Variants in FAM13A observed in about 807,000 individuals in gnomAD.
FAM13A encodes the protein family with sequence similarity 13 member A.
Under a neutral mutation model 129.6 loss-of-function variants are expected in FAM13A, and 76 were observed. The ratio of observed to expected loss-of-function variants is 0.59; its 90% CI spans 0.49 to 0.71. The LOEUF (loss-of-function observed/expected upper bound fraction) is 0.71, where lower values mean the gene tolerates loss of function less well. Ranked by LOEUF, FAM13A falls within the 30% of genes least tolerant of loss-of-function variation. The probability of loss-of-function intolerance (pLI) is 0.00; values close to 1 mark genes in which losing one functional copy is unlikely to be tolerated. For missense variants in FAM13A, 1,108 were observed against 1,249.3 expected (o/e 0.89, Z 1.70); for synonymous variants, 443 against 449.9 (o/e 0.98, Z 0.20).
chr4:88,771,956 T>C (rs895065883), intron 11 of FAM13A, among the ~76,000 whole-genome samples: 4 of 152,222 alleles, frequency 2.6e-5, no homozygotes, highest in African/African-American at 9.6e-5. Flanking sequence ...ATTGTGGAAT[T>C]TGTTTTTGAT....
chr4:88,953,448 C>G (rs1225858542), intron 4 of FAM13A, among the ~76,000 whole-genome samples: 3 of 152,130 alleles, frequency 2.0e-5, no homozygotes, highest in Non-Finnish European at 4.4e-5. Flanking sequence ...GAGCGAGACT[C>G]TATCTCAAAA....
chr4:88,806,300 T>TG (rs1728546054), intron 7 of FAM13A, among the ~76,000 whole-genome samples: 1 of 152,232 alleles, frequency 6.6e-6, no homozygotes, highest in South Asian at 2.1e-4. Flanking sequence ...GGATATCACC[T>TG]GGGGTGTACA....
chr4:88,839,083 CTTTTG>C (rs1403756202), intron 7 of FAM13A, among the ~76,000 whole-genome samples: 1 of 151,804 alleles, frequency 6.6e-6, no homozygotes, highest in Non-Finnish European at 1.5e-5. Context: ...TGTTCCTGGG[CTTTTG>C]TTTTATTTTT....
chr4:88,867,720 A>G (rs1430745627), intron 6 of FAM13A, among the ~76,000 whole-genome samples: 1 of 152,224 alleles, frequency 6.6e-6, no homozygotes, highest in Non-Finnish European at 1.5e-5. Flanking sequence ...CAAGTTGGAG[A>G]AGGATATGTA....
At chr4:89,032,244 CA>C (rs778575945) in intron 1 of FAM13A, among the ~76,000 whole-genome samples, 2,717 of 133,420 alleles carry the variant, frequency 0.02, 78 homozygotes, top group African/African-American at 0.062. Flanking sequence ...GACTCCGTCT[CA>C]AAAAAAAAAA....
chr4:88,742,390 C>T, intron 19 of FAM13A, among the ~76,000 whole-genome samples: 1 of 152,168 alleles, frequency 6.6e-6, no homozygotes, highest in South Asian at 2.1e-4. Context: ...GAACTAATCA[C>T]CTGTGGGTGA....
At chr4:88,766,362 A>G (rs1041962410) in intron 13 of FAM13A, among the ~76,000 whole-genome samples, 1 of 152,180 alleles carries the variant, frequency 6.6e-6, no homozygotes, top group Non-Finnish European at 1.5e-5. Flanking sequence ...GTTCCAAGGA[A>G]GGAGGCAAAA....
chr4:88,813,578 A>C (rs1258456158), intron 7 of FAM13A, among the ~76,000 whole-genome samples: 3 of 152,156 alleles, frequency 2.0e-5, no homozygotes, highest in Non-Finnish European at 4.4e-5. Context: ...CTTATTGCAA[A>C]TTTATTAAGG....
Position 89,041,096 on chromosome 4 carries a change from T to A in FAM13A, c.28-11447A>T, listed in dbSNP as rs149017113. 6.5e-3 allele frequency among the ~76,000 whole-genome samples: 987 copies of A among 152,204 alleles called. 6 individuals carry two copies. Among genetic ancestry groups the A allele is most frequent in the Admixed American group, 0.025 (382 of 15,294 alleles). On this transcript the variant is annotated intron_variant, in intron 1 of 23. Coordinates refer to ENST00000264344, the MANE Select transcript of FAM13A (RefSeq NM_014883.4). ...TACTTAAAAGTGTTATGAGTGTGAG[T>A]ATAAGGGAGATAAAGAGAGGTGTTA...
intron 9 of FAM13A, 34 bp downstream of exon 9, chr4:88,790,552 C>T (rs547644582): frequency 1.6e-6 from 2 of 1,241,468 alleles, no homozygotes; most frequent in Non-Finnish European, 2.2e-6. Flanking sequence ...AAAAAAAAAA[C>T]CCAAAGCCCA....
rs995045960 is a variant in FAM13A, at chr4:88,728,284, C to G, written c.*249G>C. 18 of 539,294 alleles carry G rather than the reference C, an allele frequency of 3.3e-5. No individual in the cohort carries two copies. The highest frequency in any genetic ancestry group is 5.7e-5 in the Non-Finnish European group (17 of 298,744). 33.4% of individuals were successfully genotyped at this position (539,294 alleles called of 1,614,324 possible). On this transcript the variant is annotated 3_prime_UTR_variant, in exon 24 of 24. Transcript: ENST00000264344. ...CTGTGTGTGTGTGTGCGTGCATGCGCGTGCGCATGTGCACATACTGCAGTC... is the reference window on the plus strand; with the variant it reads ...CTGTGTGTGTGTGTGCGTGCATGCGGGTGCGCATGTGCACATACTGCAGTC...
chr4:88,881,089 G>A (rs964739626), intron 6 of FAM13A, among the ~76,000 whole-genome samples: 15 of 152,162 alleles, frequency 9.9e-5, no homozygotes, highest in South Asian at 2.1e-4. Flanking sequence ...GCTCTATGGC[G>A]CTGCCCACCG....
At chr4:88,874,730 G>C (rs965447706) in intron 6 of FAM13A, among the ~76,000 whole-genome samples, 4 of 152,144 alleles carry the variant, frequency 2.6e-5, no homozygotes, top group East Asian at 1.9e-4. Flanking sequence ...GTAATTTATA[G>C]ATTCAATGCC....
intron 1 of FAM13A, among the ~76,000 whole-genome samples, chr4:89,055,894 TACCATTTGGTG>T (rs962168083): frequency 1.4e-4 from 22 of 152,332 alleles, no homozygotes; most frequent in Admixed American, 2.0e-4. Flanking sequence ...AGGGCTGGTC[TACCATTTGGTG>T]ACCATTTGGT....
In FAM13A at chr4:88,998,611, A is replaced by T. The variant is rs139982310; in HGVS notation, c.428-7461T>A. On this transcript the variant is annotated intron_variant, in intron 3 of 23. Coordinates refer to ENST00000264344, the MANE Select transcript of FAM13A (RefSeq NM_014883.4). ...CGTAAATTCTCAGGGCTTGTGGAGA[A>T]ATAAAATTTTAATAGAAACCTATAA... Among the ~76,000 whole-genome samples the T allele has an allele frequency of 3.8e-3, 574 of 152,326 alleles. 6 individuals are homozygous for T. Among genetic ancestry groups the T allele is most frequent in the African/African-American group, 0.013 (523 of 41,572 alleles).
At chr4:89,052,764 G>A (rs374642836) in intron 1 of FAM13A, among the ~76,000 whole-genome samples, 3 of 151,598 alleles carry the variant, frequency 2.0e-5, no homozygotes, top group South Asian at 2.1e-4. Flanking sequence ...TAATAGTATC[G>A]ATAGGCTGAG....
At chr4:88,901,801 C>A (rs1008679789) in intron 6 of FAM13A, among the ~76,000 whole-genome samples, 1 of 151,872 alleles carries the variant, frequency 6.6e-6, no homozygotes. Flanking sequence ...CAAAAAAAAT[C>A]AACAAATCTA....
chr4:89,046,493 A>G (rs1339575270), intron 1 of FAM13A, among the ~76,000 whole-genome samples: 2 of 152,196 alleles, frequency 1.3e-5, no homozygotes, highest in East Asian at 1.9e-4. Context: ...GTAATCGAAG[A>G]CGGGCAAAAA....
intron 19 of FAM13A, among the ~76,000 whole-genome samples, chr4:88,739,873 T>C (rs1739865260): frequency 6.6e-6 from 1 of 152,004 alleles, no homozygotes; most frequent in Non-Finnish European, 1.5e-5. Context: ...AGAAGAAGAT[T>C]CTGGCAAACA....
Sources: gnomAD v4.1 joint callset for allele counts (sites outside exome capture counted in the v4.1 genomes callset) on GRCh38, gnomAD v4.1.1 for gene constraint, MANE v1.5 for transcripts, NCBI Gene and HGNC (gene_info 2026-07-23, HGNC 2026-07-21) for gene names.